Variants in KHDRBS2 observed in about 807,000 individuals in gnomAD.
The protein encoded by KHDRBS2 is KH RNA binding domain containing, signal transduction associated 2.
Under a neutral mutation model 44.3 loss-of-function variants are expected in KHDRBS2, and 26 were observed. That is an observed-to-expected ratio of 0.59 (90% confidence interval 0.43 to 0.81). KHDRBS2 has a LOEUF of 0.81. Ranked by LOEUF, KHDRBS2 falls within the 40% of genes least tolerant of loss-of-function variation. The pLI, the probability that KHDRBS2 is intolerant of heterozygous loss-of-function variation, is 0.00. For missense variants in KHDRBS2, 476 were observed against 433.1 expected (o/e 1.10, Z -0.88); for synonymous variants, 194 against 151.1 (o/e 1.28, Z -2.08).
chr6:61,676,865 T>C (rs2127536161), downstream of KHDRBS2, among the ~76,000 whole-genome samples: 1 of 151,998 alleles, frequency 6.6e-6, no homozygotes, highest in South Asian at 2.1e-4. Context: ...TCTTGAGCTC[T>C]CTTCTGAGCC....
At chr6:61,691,874 T>A (rs534546410) in intron 8 of KHDRBS2, among the ~76,000 whole-genome samples, 3 of 152,248 alleles carry the variant, frequency 2.0e-5, no homozygotes, top group Non-Finnish European at 2.9e-5. Context: ...TCAAATGCCC[T>A]AGAATATGGC....
chr6:61,665,020 T>C, the KHDRBS2 span, among the ~76,000 whole-genome samples: 3 of 151,698 alleles, frequency 2.0e-5, no homozygotes, highest in African/African-American at 7.2e-5. Context: ...ATTCTACATA[T>C]TGTTAGCTAA....
chr6:61,708,634 G>T (rs1439106355), intron 7 of KHDRBS2, among the ~76,000 whole-genome samples: 8 of 151,594 alleles, frequency 5.3e-5, no homozygotes, highest in Non-Finnish European at 1.2e-4. Flanking sequence ...TCATGTTTGT[G>T]TATAAATGTA....
intron 1 of KHDRBS2, among the ~76,000 whole-genome samples, chr6:62,259,720 T>G (rs1838019406): frequency 6.6e-6 from 1 of 152,070 alleles, no homozygotes; most frequent in Non-Finnish European, 1.5e-5. Flanking sequence ...GATAGTAAAT[T>G]CTGGACCACA....
At chr6:62,201,735 C>T (rs894003728) in intron 1 of KHDRBS2, among the ~76,000 whole-genome samples, 1 of 151,942 alleles carries the variant, frequency 6.6e-6, no homozygotes, top group African/African-American at 2.4e-5. Context: ...GTGCCTAATA[C>T]CTTAAGCTAG....
the KHDRBS2 span, among the ~76,000 whole-genome samples, chr6:61,586,464 C>G: frequency 4.6e-5 from 7 of 152,256 alleles, no homozygotes; most frequent in South Asian, 1.5e-3. Context: ...CTAGCTCTCT[C>G]TAAGTGGCTC....
the KHDRBS2 span, among the ~76,000 whole-genome samples, chr6:61,557,233 T>G: frequency 0.045 from 6,777 of 152,262 alleles, 153 homozygotes; most frequent in East Asian, 0.087. Context: ...TATACTTTTT[T>G]ATAGTATTTT....
chr6:61,591,618 C>T, the KHDRBS2 span, among the ~76,000 whole-genome samples: 1 of 152,012 alleles, frequency 6.6e-6, no homozygotes, highest in Admixed American at 6.6e-5. Flanking sequence ...TTGTGTGTCC[C>T]TTGGTCACAA....
In KHDRBS2 at chr6:61,692,774, C is replaced by T. The variant is rs1340692569; in HGVS notation, c.952+4421G>A. On this transcript the variant is annotated intron_variant, in intron 8 of 8. Transcript: ENST00000281156. ...CTTTGGAATGCAGAACCCTGCCATT[C>T]GGGAGAGCATTCCTTCTTCCTCTCC... Among the ~76,000 whole-genome samples, 9 of 152,144 alleles carry T rather than the reference C, an allele frequency of 5.9e-5. No homozygotes were observed. The East Asian group carries it at 1.2e-3, about 20-fold the overall frequency.
At chr6:61,771,460 C>A (rs1582732231) in intron 6 of KHDRBS2, among the ~76,000 whole-genome samples, 1 of 152,192 alleles carries the variant, frequency 6.6e-6, no homozygotes, top group East Asian at 1.9e-4. Flanking sequence ...TGCAGAGACA[C>A]ACATAGGCTC....
chr6:61,752,542 C>T (rs2127569206), intron 6 of KHDRBS2, among the ~76,000 whole-genome samples: 1 of 151,932 alleles, frequency 6.6e-6, no homozygotes, highest in Non-Finnish European at 1.5e-5. Flanking sequence ...ATTTGCATTC[C>T]ATTAGCTTCT....
chr6:61,590,628 G>A, the KHDRBS2 span, among the ~76,000 whole-genome samples: 1 of 152,078 alleles, frequency 6.6e-6, no homozygotes, highest in Non-Finnish European at 1.5e-5. Context: ...TTAATATCCT[G>A]TGGGTTTACT....
the KHDRBS2 span, among the ~76,000 whole-genome samples, chr6:61,585,182 T>G: frequency 6.6e-6 from 1 of 151,894 alleles, no homozygotes; most frequent in Non-Finnish European, 1.5e-5. Context: ...CCTAGGACCA[T>G]CTTTCATTCA....
chr6:62,118,763 T>C (rs1049207259), intron 2 of KHDRBS2, among the ~76,000 whole-genome samples: 1 of 152,178 alleles, frequency 6.6e-6, no homozygotes, highest in Non-Finnish European at 1.5e-5. Context: ...ATGCTTCCTG[T>C]CACTAAAGGT....
At chr6:61,800,431 C>T (rs556482202) in intron 6 of KHDRBS2, among the ~76,000 whole-genome samples, 1 of 152,208 alleles carries the variant, frequency 6.6e-6, no homozygotes, top group South Asian at 2.1e-4. Context: ...AGTTCTTCCA[C>T]ACAAACTGCA....
chr6:61,960,924 A>G (rs1487955500), intron 4 of KHDRBS2, among the ~76,000 whole-genome samples: 2 of 152,076 alleles, frequency 1.3e-5, no homozygotes, highest in Non-Finnish European at 2.9e-5. Flanking sequence ...TGAAGACACT[A>G]AAAAGTAAAG....
chr6:61,646,526 G>A, the KHDRBS2 span, among the ~76,000 whole-genome samples: 2 of 152,102 alleles, frequency 1.3e-5, no homozygotes, highest in African/African-American at 4.8e-5. Context: ...GGTAATTATG[G>A]AGACACATGT....
At chr6:62,243,214 GTATC>G (rs537160891) in intron 1 of KHDRBS2, among the ~76,000 whole-genome samples, 34 of 151,928 alleles carry the variant, frequency 2.2e-4, no homozygotes, top group South Asian at 6.2e-4. Context: ...ATGTATGTAT[GTATC>G]TATCTATCTA....
chr6:61,976,655 T>C (rs1047934178), intron 4 of KHDRBS2, among the ~76,000 whole-genome samples: 2 of 152,156 alleles, frequency 1.3e-5, no homozygotes, highest in African/African-American at 4.8e-5. Flanking sequence ...TAGAGGCTGG[T>C]CAATGATAAT....
Sources: allele counts gnomAD v4.1 joint callset (sites outside exome capture counted in the v4.1 genomes callset), GRCh38; gene constraint gnomAD v4.1.1; transcripts MANE v1.5; gene names NCBI Gene and HGNC (gene_info 2026-07-23, HGNC 2026-07-21).